The following SPATC1L variants were observed in gnomAD, a reference collection of about 807,000 sequenced individuals.
The protein encoded by SPATC1L is speriolin-like protein.
Under a neutral mutation model 21.2 loss-of-function variants are expected in SPATC1L, and 20 were observed. The ratio of observed to expected loss-of-function variants is 0.94; its 90% CI spans 0.66 to 1.37. SPATC1L has a LOEUF of 1.37. SPATC1L is among the 40% of genes most tolerant of loss of function. The pLI is 0.00. For missense variants in SPATC1L, 499 were observed against 478.7 expected (o/e 1.04, Z -0.40); for synonymous variants, 290 against 234.5 (o/e 1.24, Z -2.16).
Position 46,182,793 on chromosome 21 carries a change from C to T in SPATC1L, c.24G>A (p.Met8Ile). The stretch of plus-strand genomic sequence containing the variant: ...CCGCGTTCTCGCTCAGGAGCCGGCT[C>T]ATCAGCTCGCCGCCTTCAGCCATGG... MAEGGEL[M>I]SRLLSENADL... The change falls in exon 2 of 5, where the codon ATG becomes ATA. Residue 8 changes from methionine to isoleucine, a missense_variant. Transcript: ENST00000291672. The T allele has an allele frequency of 6.5e-7, 1 of 1,543,872 alleles. No homozygotes were observed. Among genetic ancestry groups the T allele is most frequent in the Non-Finnish European group, 8.7e-7 (1 of 1,144,066 alleles).
chr21:46,164,185 G>T (rs992978681), intron 3 of SPATC1L, among the ~76,000 whole-genome samples: 2 of 151,974 alleles, frequency 1.3e-5, no homozygotes, highest in Non-Finnish European at 2.9e-5. Context: ...CTTGGGTGGT[G>T]GGGGGTTGGT....
intron 2 of SPATC1L, among the ~76,000 whole-genome samples, chr21:46,182,332 G>C (rs991844219): frequency 2.6e-5 from 4 of 152,224 alleles, no homozygotes; most frequent in Non-Finnish European, 5.9e-5. Flanking sequence ...CCACAAGCCT[G>C]CGCGCCACCT....
intron 2 of SPATC1L, among the ~76,000 whole-genome samples, chr21:46,179,367 C>T (rs2079655408): frequency 6.6e-6 from 1 of 152,152 alleles, no homozygotes; most frequent in African/African-American, 2.4e-5. Flanking sequence ...TAGAAGATCC[C>T]ATCTCCATAA....
At chr21:46,180,782 C>T (rs923997163) in intron 2 of SPATC1L, among the ~76,000 whole-genome samples, 1 of 152,208 alleles carries the variant, frequency 6.6e-6, no homozygotes, top group African/African-American at 2.4e-5. Flanking sequence ...CGCTGCCAGC[C>T]CGGGCCACAC....
chr21:46,178,901 A>G (rs1000205608), intron 2 of SPATC1L, among the ~76,000 whole-genome samples: 1 of 151,448 alleles, frequency 6.6e-6, no homozygotes, highest in Non-Finnish European at 1.5e-5. Flanking sequence ...ACAAACAAAC[A>G]AAAAACCATT....
chr21:46,166,846 C>A (rs2079544525), intron 3 of SPATC1L, among the ~76,000 whole-genome samples: 2 of 152,176 alleles, frequency 1.3e-5, no homozygotes, highest in Admixed American at 1.3e-4. Context: ...CTTCAATACG[C>A]ATTTTCACCC....
chr21:46,178,888 AAAAC>A lies in SPATC1L; in HGVS notation c.193+3732_193+3735del, dbSNP rs376997604. ...GGCAACAGAGCCAGACTGTGTCTCA[AAAAC>A]AAACAAACAAAAAACCATTTACTCC... On this transcript the variant is annotated intron_variant, in intron 2 of 4. Transcript: ENST00000291672. Among the ~76,000 whole-genome samples the A allele has an allele frequency of 2.4e-4, 36 of 150,846 alleles. 1 individual carries two copies. In the East Asian group the frequency reaches 6.8e-3, roughly 28 times the overall value.
chr21:46,181,521 C>A (rs1278289925), intron 2 of SPATC1L, among the ~76,000 whole-genome samples: 1 of 152,228 alleles, frequency 6.6e-6, no homozygotes, highest in East Asian at 1.9e-4. Context: ...GGGCCTGGGG[C>A]CTGGCTGCGG....
intron 4 of SPATC1L, 36 bp downstream of exon 4, chr21:46,161,880 G>T: frequency 6.3e-7 from 1 of 1,595,082 alleles, no homozygotes; most frequent in East Asian, 2.2e-5. Context: ...CGAGCGCCCC[G>T]CACCCTCCTG....
Position 46,178,781 on chromosome 21 carries a change from G to C in SPATC1L, c.193+3843C>G, listed in dbSNP as rs753231285. Among the ~76,000 whole-genome samples the C allele has an allele frequency of 1.6e-4, 25 of 152,254 alleles. 1 individual carries two copies. The highest frequency in any genetic ancestry group is 2.6e-4 in the Admixed American group (4 of 15,294). On this transcript the variant is annotated intron_variant, in intron 2 of 4. Transcript: ENST00000291672. ...GTGTGCCTTTAATTCCAGCTACTGGGGAGGGCAAGGCAGGAGAATCGCTTG... is the reference window on the plus strand; with the variant it reads ...GTGTGCCTTTAATTCCAGCTACTGGCGAGGGCAAGGCAGGAGAATCGCTTG...
At chr21:46,181,216 A>C (rs2079670180) in intron 2 of SPATC1L, among the ~76,000 whole-genome samples, 1 of 152,190 alleles carries the variant, frequency 6.6e-6, no homozygotes, top group Non-Finnish European at 1.5e-5. Flanking sequence ...GGGACCCTGC[A>C]CGTGGCCCAG....
intron 2 of SPATC1L, among the ~76,000 whole-genome samples, chr21:46,171,834 A>G (rs2079592595): frequency 6.6e-6 from 1 of 151,950 alleles, no homozygotes; most frequent in Non-Finnish European, 1.5e-5. Context: ...TAATCCCGAC[A>G]TCATACAAAT....
chr21:46,168,680 T>C (rs1230285429), intron 2 of SPATC1L, 22 bp from the exon 3 acceptor site: 3 of 1,349,174 alleles, frequency 2.2e-6, no homozygotes, highest in Non-Finnish European at 2.9e-6. Context: ...AGGAAAGGGA[T>C]GAGAAATCAG....
intron 3 of SPATC1L, among the ~76,000 whole-genome samples, chr21:46,163,363 T>C (rs1308594775): frequency 1.3e-5 from 2 of 152,344 alleles, no homozygotes; most frequent in Admixed American, 1.3e-4. Context: ...AAGTCCAATT[T>C]GTCTGTTTCT....
intron 3 of SPATC1L, among the ~76,000 whole-genome samples, chr21:46,165,276 C>A (rs1158778652): frequency 2.0e-5 from 3 of 152,148 alleles, no homozygotes; most frequent in African/African-American, 7.2e-5. Flanking sequence ...TCCAAACTGG[C>A]CTGCTTGGGA....
rs769090667 is a variant in SPATC1L, at chr21:46,162,012, G to A, written c.600C>T (p.Ala200=). The part of the protein sequence containing the change: ...EKDARVVGEI[A]FQLDRRILAY... ...CCAGGATGCGGCGGTCCAGCTGGAA[G>A]GCGATCTCGCCCACCACGCGCGCGT... The change falls in exon 4 of 5, where the codon GCC becomes GCT. Residue 200 remains alanine, a synonymous_variant. Transcript: ENST00000291672. The A allele has an allele frequency of 1.2e-6, 2 of 1,600,496 alleles. No individual in the cohort carries two copies. Among genetic ancestry groups the A allele is most frequent in the African/African-American group, 1.3e-5 (1 of 74,928 alleles).
chr21:46,175,391 T>C (rs1364055949), intron 2 of SPATC1L, among the ~76,000 whole-genome samples: 2 of 151,862 alleles, frequency 1.3e-5, no homozygotes, highest in Admixed American at 6.6e-5. Context: ...TTGAAAAAAT[T>C]AATAAAATAG....
At chr21:46,174,825 C>T (rs1476037713) in intron 2 of SPATC1L, among the ~76,000 whole-genome samples, 1 of 152,212 alleles carries the variant, frequency 6.6e-6, no homozygotes, top group African/African-American at 2.4e-5. Flanking sequence ...CAGATATCTA[C>T]AGAACTCTCC....
At chr21:46,182,563 G>A in intron 2 of SPATC1L, 61 bp downstream of exon 2, 1 of 1,398,196 alleles carries the variant, frequency 7.2e-7, no homozygotes, top group South Asian at 1.5e-5. Context: ...TCGACTCCCG[G>A]GGAGCAGGCG....
Sources: allele counts gnomAD v4.1 joint callset (sites outside exome capture counted in the v4.1 genomes callset), GRCh38; gene constraint gnomAD v4.1.1; transcripts MANE v1.5; gene names NCBI Gene and HGNC (gene_info 2026-07-23, HGNC 2026-07-21).